ANTXR2: variants seen among roughly 807,000 people sequenced by gnomAD.
ANTXR2 encodes the protein ANTXR cell adhesion molecule 2.
Under a neutral mutation model 73.7 loss-of-function variants are expected in ANTXR2, and 44 were observed. The observed-to-expected ratio is 0.60, with a 90% CI of 0.47 to 0.77. The LOEUF is 0.77. Ranked by LOEUF, ANTXR2 falls within the 30% of genes least tolerant of loss-of-function variation. The probability of loss-of-function intolerance (pLI) is 0.00; values close to 1 mark genes in which losing one functional copy is unlikely to be tolerated. For missense variants in ANTXR2, 604 were observed against 592.5 expected (o/e 1.02, Z -0.20); for synonymous variants, 217 against 205.9 (o/e 1.05, Z -0.46).
intron 2 of ANTXR2, among the ~76,000 whole-genome samples, chr4:80,070,376 G>C (rs1311243240): frequency 6.6e-6 from 1 of 152,186 alleles, no homozygotes; most frequent in Non-Finnish European, 1.5e-5. Context: ...TAAGATAAGA[G>C]CTTGCTTCTT....
At position 80,040,825 on chromosome 4, in the gene ANTXR2, C is replaced by T. The variant is rs188161319; in HGVS notation, c.637-4793G>A. On this transcript the variant is annotated intron_variant, in intron 7 of 16. Coordinates refer to ENST00000403729, the MANE Select transcript of ANTXR2 (RefSeq NM_058172.6). ...ATATCACCATGAAAAAGTATACTAT[C>T]GAAGCATCTGTTCACCCAAAAAGTA... Among the ~76,000 whole-genome samples, 31 of 151,646 alleles carry T rather than the reference C, an allele frequency of 2.0e-4. No individual in the cohort carries two copies. The East Asian group carries it at 4.3e-3, about 21-fold the overall frequency.
intron 10 of ANTXR2, among the ~76,000 whole-genome samples, chr4:80,027,284 G>A (rs945204537): frequency 5.3e-5 from 8 of 151,774 alleles, no homozygotes; most frequent in Non-Finnish European, 8.8e-5. Flanking sequence ...AGTAAAGGCA[G>A]AATTTATCTA....
chr4:79,925,172 T>C (rs1347408917), intron 16 of ANTXR2, among the ~76,000 whole-genome samples: 4 of 152,138 alleles, frequency 2.6e-5, no homozygotes, highest in Non-Finnish European at 4.4e-5. Flanking sequence ...TATCAGCATT[T>C]TTATTTAGTT....
Position 80,055,487 on chromosome 4 carries a change from A to G in ANTXR2, c.379-20T>C. ...ATTCGCCTGAAAATGAAGAATAATT[A>G]TCCAACTCACAATTTAATTTTAACT... On this transcript the variant is annotated intron_variant, in intron 4 of 16. Coordinates refer to ENST00000403729, the MANE Select transcript of ANTXR2 (RefSeq NM_058172.6). 4 of 1,573,438 alleles carry G rather than the reference A, an allele frequency of 2.5e-6. No individual in the cohort carries two copies. Among genetic ancestry groups the G allele is most frequent in the Non-Finnish European group, 2.6e-6 (3 of 1,147,860 alleles).
chr4:80,024,688 A>T, intron 10 of ANTXR2: 1 of 453,740 alleles, frequency 2.2e-6, no homozygotes, highest in Non-Finnish European at 4.4e-6. Context: ...CCTGAGCCAG[A>T]AAGGCCAAAA....
At chr4:80,027,227 C>A (rs546471104) in intron 10 of ANTXR2, among the ~76,000 whole-genome samples, 1 of 152,120 alleles carries the variant, frequency 6.6e-6, no homozygotes, top group East Asian at 1.9e-4. Flanking sequence ...TATAGACATA[C>A]ACACACATAC....
At chr4:80,014,063 C>A (rs1481926332) in intron 11 of ANTXR2, among the ~76,000 whole-genome samples, 1 of 152,202 alleles carries the variant, frequency 6.6e-6, no homozygotes, top group East Asian at 1.9e-4. Flanking sequence ...GCTGCCCTCT[C>A]TTCACCTTGG....
chr4:79,989,347 T>C (rs966891482), intron 12 of ANTXR2, among the ~76,000 whole-genome samples: 2 of 151,940 alleles, frequency 1.3e-5, no homozygotes, highest in Admixed American at 1.3e-4. Flanking sequence ...TCTAAAACAC[T>C]ATTAGGAATA....
At chr4:80,032,279 T>C (rs1732730954) in intron 9 of ANTXR2, among the ~76,000 whole-genome samples, 2 of 151,860 alleles carry the variant, frequency 1.3e-5, no homozygotes, top group African/African-American at 4.8e-5. Context: ...TATTTGAGGA[T>C]TTACTTTAAT....
chr4:79,937,665 G>C (rs1309846742), intron 16 of ANTXR2, among the ~76,000 whole-genome samples: 2 of 152,178 alleles, frequency 1.3e-5, no homozygotes, highest in East Asian at 1.9e-4. Flanking sequence ...TGTATATATT[G>C]AGCATCAATT....
chr4:80,054,232 C>A, intron 7 of ANTXR2, 40 bp downstream of exon 7: 1 of 1,459,460 alleles, frequency 6.9e-7, no homozygotes, highest in Non-Finnish European at 9.4e-7. Context: ...AAAAAATATA[C>A]AAGGTTATGA....
chr4:80,043,198 A>C (rs1733357234), intron 7 of ANTXR2, among the ~76,000 whole-genome samples: 1 of 152,090 alleles, frequency 6.6e-6, no homozygotes, highest in Non-Finnish European at 1.5e-5. Context: ...CCAAAAATTT[A>C]TACAAATATG....
rs139420705 is a variant in ANTXR2 at position 79,937,393 on chromosome 4, C to G, written c.1429-29926G>C. On this transcript the variant is annotated intron_variant, in intron 16 of 16. Transcript: ENST00000403729. ...GCTAGTTTGGCTGGTTTCTGATTAA[C>G]TGCATTTGGACATATCTTCATTGAA... 3.6e-3 allele frequency among the ~76,000 whole-genome samples: 552 copies of G among 152,288 alleles called. 10 individuals are homozygous for G. Among genetic ancestry groups the G allele is most frequent in the Admixed American group, 0.028 (426 of 15,304 alleles).
Position 79,907,196 on chromosome 4 carries a change from T to C in ANTXR2, c.*233A>G. The C allele has an allele frequency of 1.8e-6, 1 of 571,342 alleles. No homozygotes were observed. The allele number at this position is 571,342 out of a possible 1,614,324, so 35.4% of individuals were successfully genotyped here. A position where few individuals can be genotyped will look rare whatever the true frequency, so the allele number is the denominator to read the frequency against. ...ATGTTCCTCTTTATTTTCAATGTCA[T>C]AAATCATGAGTTACCACTGAGTTTC... is the stretch of plus-strand genomic sequence containing the variant. On this transcript the variant is annotated 3_prime_UTR_variant, in exon 17 of 17. Transcript: ENST00000403729.
intron 16 of ANTXR2, among the ~76,000 whole-genome samples, chr4:79,927,050 C>CGT (rs60094987): frequency 0.24 from 21,760 of 91,108 alleles, 2,101 homozygotes; most frequent in Non-Finnish European, 0.33. Context: ...TATATATGTG[C>CGT]GTGTGTGTGT....
chr4:79,987,338 A>G (rs556002780), intron 12 of ANTXR2, among the ~76,000 whole-genome samples: 97 of 152,264 alleles, frequency 6.4e-4, no homozygotes, highest in African/African-American at 2.2e-3. Flanking sequence ...TTATAATGCA[A>G]TCGGAAGCAT....
In ANTXR2 at chr4:79,909,081, T is replaced by C. The variant is rs116699864; in HGVS notation, c.1429-1614A>G. 7.6e-3 allele frequency among the ~76,000 whole-genome samples: 1,158 copies of C among 152,282 alleles called. 13 individuals are homozygous for C. Among genetic ancestry groups the C allele is most frequent in the African/African-American group, 0.026 (1,092 of 41,562 alleles). On this transcript the variant is annotated intron_variant, in intron 16 of 16. Coordinates refer to ENST00000403729, the MANE Select transcript of ANTXR2 (RefSeq NM_058172.6). ...TTCAATGAGAAATAGATTTGAACTA[T>C]GCAAATTCAACAGTGATCAACATTT... is the stretch of plus-strand genomic sequence containing the variant.
intron 16 of ANTXR2, among the ~76,000 whole-genome samples, chr4:79,917,530 G>A (rs766472483): frequency 1.2e-4 from 18 of 152,124 alleles, no homozygotes; most frequent in Admixed American, 3.3e-4. Flanking sequence ...AGGGGACTGT[G>A]GCAGTTAGAG....
chr4:80,060,524 C>T (rs1318458557), intron 3 of ANTXR2, among the ~76,000 whole-genome samples: 1 of 152,168 alleles, frequency 6.6e-6, no homozygotes, highest in Non-Finnish European at 1.5e-5. Context: ...TGAAGATGTG[C>T]ATGAGCTTAT....
Sources: allele counts gnomAD v4.1 joint callset (sites outside exome capture counted in the v4.1 genomes callset), GRCh38; gene constraint gnomAD v4.1.1; transcripts MANE v1.5; gene names NCBI Gene and HGNC (gene_info 2026-07-23, HGNC 2026-07-21).